The following CUL7 variants were observed in gnomAD, a reference collection of about 807,000 sequenced individuals.
CUL7 encodes the protein cullin 7.
In CUL7, 96 loss-of-function variants were observed where a neutral mutation model predicts 177.7. That is an observed-to-expected ratio of 0.54 (90% CI 0.46 to 0.64). The LOEUF (loss-of-function observed/expected upper bound fraction) is 0.64, where lower values mean the gene tolerates loss of function less well. Among genes scored for constraint, CUL7 ranks in the 30% least tolerant of loss-of-function variants. The pLI, the probability that CUL7 is intolerant of heterozygous loss-of-function variation, is 0.00. For missense variants in CUL7, 1,893 were observed against 2,187.9 expected (o/e 0.87, Z 2.69); for synonymous variants, 824 against 890.2 (o/e 0.93, Z 1.32).
chr6:43,046,341 C>T lies in CUL7; in HGVS notation c.2555G>A (p.Arg852Gln), dbSNP rs34574340. The change falls in exon 12 of 26, where the codon CGG becomes CAG. Residue 852 changes from arginine to glutamine, a missense_variant. Physicochemically the swap from Arg to Gln is conservative, Grantham distance 43 (BLOSUM62 1). Coordinates refer to ENST00000265348, the MANE Select transcript of CUL7 (RefSeq NM_014780.5). ...EKVEVSSNPH[R>Q]ASKLTDHNPK... ...GTTGTGGTCCGTCAGCTTGCTGGCC[C>T]GGTGCGGGTTGGAGGACACCTCCAC... 4.0e-3 allele frequency: 6,414 copies of T among 1,614,158 alleles called. 209 individuals are homozygous for T. The African/African-American group carries it at 0.071, about 18-fold the overall frequency.
rs374088154 is a variant in CUL7, at chr6:43,052,160, C to T, written c.580+49G>A. The stretch of plus-strand genomic sequence containing the variant: ...CACAGTGTCCTGTGAGTCCCTGAGC[C>T]GACCCAGCCCTTCTCCTGCTTTCCC... On this transcript the variant is annotated intron_variant, in intron 2 of 25. Coordinates refer to ENST00000265348, the MANE Select transcript of CUL7 (RefSeq NM_014780.5). The surrounding 1 kb of genome is among the most constrained non-coding windows in gnomAD (Gnocchi z 4.5). The T allele has an allele frequency of 7.8e-5, 125 of 1,607,946 alleles. No homozygotes were observed. Among genetic ancestry groups the T allele is most frequent in the African/African-American group, 7.5e-4 (56 of 74,738 alleles).
At chr6:43,039,496 C>T (rs1266379747) in intron 22 of CUL7, among the ~76,000 whole-genome samples, 1 of 152,054 alleles carries the variant, frequency 6.6e-6, no homozygotes, top group African/African-American at 2.4e-5. Flanking sequence ...CAGGTGCCTC[C>T]TGCCTCCATC....
At position 43,043,275 on chromosome 6, in the gene CUL7, A is replaced by G; in HGVS notation, c.3356-95T>C. The G allele has an allele frequency of 8.2e-7, 1 of 1,223,596 alleles. No homozygotes were observed. Among genetic ancestry groups the G allele is most frequent in the Non-Finnish European group, 1.2e-6 (1 of 843,198 alleles). The allele number at this position is 1,223,596 out of a possible 1,614,324, so 75.8% of individuals were successfully genotyped here. A position where few individuals can be genotyped will look rare whatever the true frequency, so the allele number is the denominator to read the frequency against. The stretch of plus-strand genomic sequence containing the variant: ...GGGGTTCCCTGAGGCCTTTCCTGAC[A>G]TGCTGCCACCCAAAATGATGTTCAT... On this transcript the variant is annotated intron_variant, in intron 17 of 25. Transcript: ENST00000265348. The surrounding 1 kb of genome is among the most constrained non-coding windows in gnomAD (Gnocchi z 4.2).
In CUL7 at chr6:43,053,635, C is replaced by A. The variant is rs1427691402; in HGVS notation, c.-22G>T. The A allele has an allele frequency of 7.3e-7, 1 of 1,376,366 alleles. No individual in the cohort carries two copies. Among genetic ancestry groups the A allele is most frequent in the Non-Finnish European group, 9.3e-7 (1 of 1,069,742 alleles). The allele number at this position is 1,376,366 out of a possible 1,614,324, so 85.3% of individuals were successfully genotyped here. On this transcript the variant is annotated 5_prime_UTR_variant, in exon 1 of 26. Coordinates refer to ENST00000265348, the MANE Select transcript of CUL7 (RefSeq NM_014780.5). This position sits in a 1 kb window ranked among gnomAD's most constrained non-coding sequence, Gnocchi z 4.1. ...GGCTCTGGCCACCTCAGAAGTCCACCGGGGTCCTGGCGCGAGGCCTGTCCT... is the reference window on the plus strand; with the variant it reads ...GGCTCTGGCCACCTCAGAAGTCCACAGGGGTCCTGGCGCGAGGCCTGTCCT...
At position 43,040,208 on chromosome 6, in the gene CUL7, C is replaced by A; in HGVS notation, c.4242G>T (p.Leu1414=). ...ICHTLNPRTC[L]PSYLRGTLNR... is the part of the protein sequence containing the mutation. ...TCAAAGTGCCCCTCAGGTAGGAGGGCAGGCAGGTTCTGGGGTTCAGTGTGT... is the reference window on the plus strand; with the variant it reads ...TCAAAGTGCCCCTCAGGTAGGAGGGAAGGCAGGTTCTGGGGTTCAGTGTGT... The change falls in exon 22 of 26, where the codon CTG becomes CTT. Residue 1414 remains leucine (L), a synonymous_variant. Transcript: ENST00000265348. The surrounding 1 kb of genome is among the most constrained non-coding windows in gnomAD (Gnocchi z 4.2). 6.2e-7 allele frequency: 1 copy of A among 1,614,192 alleles called. No individual in the cohort carries two copies. Among genetic ancestry groups the A allele is most frequent in the Non-Finnish European group, 8.5e-7 (1 of 1,180,040 alleles).
chr6:43,053,347 G>A lies in CUL7; in HGVS notation c.-9+275C>T, dbSNP rs1418483078. Among the ~76,000 whole-genome samples, 1 of 152,124 alleles carries A rather than the reference G, an allele frequency of 6.6e-6. No homozygotes were observed. The highest frequency in any genetic ancestry group is 1.5e-5 in the Non-Finnish European group (1 of 68,024). ...GAGGAGGCACTGGTGGGTTGGAGGC[G>A]CCTCCGACTGGAGCAACTGGAACAA... On this transcript the variant is annotated intron_variant, in intron 1 of 25. Coordinates refer to ENST00000265348, the MANE Select transcript of CUL7 (RefSeq NM_014780.5). This position sits in a 1 kb window ranked among gnomAD's most constrained non-coding sequence, Gnocchi z 4.1.
chr6:43,041,131 G>T, intron 19 of CUL7, 56 bp from the exon 20 acceptor site: 2 of 1,580,480 alleles, frequency 1.3e-6, no homozygotes, highest in Non-Finnish European at 1.7e-6. Flanking sequence ...GCAGGTGAGT[G>T]GGGAGGAGGG....
chr6:43,047,010 G>A lies in CUL7; in HGVS notation c.2267C>T (p.Ser756Phe), dbSNP rs762653107. 5 of 1,612,730 alleles carry A rather than the reference G, an allele frequency of 3.1e-6. No homozygotes were observed. Among genetic ancestry groups the A allele is most frequent in the Non-Finnish European group, 2.5e-6 (3 of 1,178,788 alleles). Reference protein sequence around the residue: ...LNQLGARDAISKALEKHLGKL... With the variant: ...LNQLGARDAIFKALEKHLGKL... ...TCCCAGGTGCTTTTCCAGGGCCTTG[G>A]AGATAGCGTCTCTTGCTCCCAGCTG... is the stretch of plus-strand genomic sequence containing the variant. Residue 756 changes from serine (S) to phenylalanine (F), a missense_variant, in exon 10 of 26, where the codon TCC becomes TTC. Physicochemically the swap from Ser to Phe is radical, Grantham distance 155 (BLOSUM62 -2). Transcript: ENST00000265348.
rs143346904 is a variant in CUL7 at position 43,042,295 on chromosome 6, T to A, written c.3645+507A>T. ...CTGCTCTGTACCCTGCTTTCCAGGGTGCTTCTTGCATTTTAGCTCATCAAT... is the reference window on the plus strand; with the variant it reads ...CTGCTCTGTACCCTGCTTTCCAGGGAGCTTCTTGCATTTTAGCTCATCAAT... On this transcript the variant is annotated intron_variant, in intron 19 of 25. Coordinates refer to ENST00000265348, the MANE Select transcript of CUL7 (RefSeq NM_014780.5). 9.2e-5 allele frequency among the ~76,000 whole-genome samples: 14 copies of A among 152,246 alleles called. No homozygotes were observed. The East Asian group carries it at 2.7e-3, about 29-fold the overall frequency.
At chr6:43,048,821 G>A (rs1472006974) in intron 7 of CUL7, among the ~76,000 whole-genome samples, 3 of 150,650 alleles carry the variant, frequency 2.0e-5, no homozygotes. Flanking sequence ...AGGCTGGAGT[G>A]CAGTGGCATG....
chr6:43,045,538 G>C lies in CUL7; in HGVS notation c.2862+49C>G, dbSNP rs1322546778. The C allele has an allele frequency of 1.2e-6, 2 of 1,613,296 alleles. No homozygotes were observed. The highest frequency in any genetic ancestry group is 1.7e-6 in the Non-Finnish European group (2 of 1,179,544). ...CTGGCTTAAGATCTGCCTGTTTATG[G>C]GGCTCAGAGCCCCCTACCCAGGGCC... On this transcript the variant is annotated intron_variant, in intron 14 of 25. Coordinates refer to ENST00000265348, the MANE Select transcript of CUL7 (RefSeq NM_014780.5). This position sits in a 1 kb window ranked among gnomAD's most constrained non-coding sequence, Gnocchi z 4.8.
intron 19 of CUL7, 75 bp downstream of exon 19, chr6:43,042,727 G>A: frequency 1.1e-6 from 1 of 909,594 alleles, no homozygotes. Flanking sequence ...ATGGAAGGGT[G>A]GGTCATTTGG....
In CUL7 at chr6:43,040,778, G is replaced by A. The variant is rs1320476738; in HGVS notation, c.3807-32C>T. ...TGCATGCAGCCCGGGCCAAGCCTCAGTGTGGGCACCAGTGTGGCCCAGCCT... is the reference window on the plus strand; with the variant it reads ...TGCATGCAGCCCGGGCCAAGCCTCAATGTGGGCACCAGTGTGGCCCAGCCT... On this transcript the variant is annotated intron_variant, in intron 20 of 25. Transcript: ENST00000265348. This position sits in a 1 kb window ranked among gnomAD's most constrained non-coding sequence, Gnocchi z 4.2. 9 of 1,610,396 alleles carry A rather than the reference G, an allele frequency of 5.6e-6. No individual in the cohort carries two copies. The African/African-American group carries it at 1.1e-4, about 19-fold the overall frequency.
At position 43,053,780 on chromosome 6, in the gene CUL7, C is replaced by T. The variant is rs186103529; in HGVS notation, c.-167G>A. On this transcript the variant is annotated 5_prime_UTR_variant, in exon 1 of 26. Coordinates refer to ENST00000265348, the MANE Select transcript of CUL7 (RefSeq NM_014780.5). This position sits in a 1 kb window ranked among gnomAD's most constrained non-coding sequence, Gnocchi z 4.1. ...TGCCTCCGCGGAACAGAGCTGCACC[C>T]GCGTGAGTCGGCAGCCACTGGGGCA... 240 of 1,531,424 alleles carry T rather than the reference C, an allele frequency of 1.6e-4. No homozygotes were observed. Among genetic ancestry groups the T allele is most frequent in the Middle Eastern group, 2.2e-4 (1 of 4,590 alleles). The allele number at this position is 1,531,424 out of a possible 1,614,324, so 94.9% of individuals were successfully genotyped here. A position where few individuals can be genotyped will look rare whatever the true frequency, so the allele number is the denominator to read the frequency against.
intron 19 of CUL7, 159 bp from the exon 20 acceptor site, chr6:43,041,234 A>G (rs1296563442): frequency 2.9e-6 from 2 of 678,156 alleles, no homozygotes; most frequent in Non-Finnish European, 5.3e-6. Flanking sequence ...TAACCATTGT[A>G]CAAATTAGCA....
In CUL7 at chr6:43,053,552, T is replaced by C. The variant is rs1021561697; in HGVS notation, c.-9+70A>G. 104 of 1,099,128 alleles carry C rather than the reference T, an allele frequency of 9.5e-5. 1 individual carries two copies. The Middle Eastern group carries it at 1.6e-3, about 17-fold the overall frequency. 68.1% of individuals were successfully genotyped at this position (1,099,128 alleles called of 1,614,324 possible). On this transcript the variant is annotated intron_variant, in intron 1 of 25. Coordinates refer to ENST00000265348, the MANE Select transcript of CUL7 (RefSeq NM_014780.5). This position sits in a 1 kb window ranked among gnomAD's most constrained non-coding sequence, Gnocchi z 4.1. Reference sequence around the variant, plus strand: ...CGGTAGGATGGGGACCGAGGTTGGGTGAGCGCGAGGCTCGATGGGCTAGTG... The same window carrying C: ...CGGTAGGATGGGGACCGAGGTTGGGCGAGCGCGAGGCTCGATGGGCTAGTG...
At position 43,052,374 on chromosome 6, in the gene CUL7, G is replaced by A. The variant is rs1338104839; in HGVS notation, c.415C>T (p.His139Tyr). ...VGTIPPAPLL[H>Y]TVHVLSAYAS... ...TAGGCGCTGAGCACGTGGACAGTGT[G>A]AAGTAGAGGAGCAGGAGGGATAGTG... Residue 139 changes from histidine to tyrosine, a missense_variant, in exon 2 of 26, where the codon CAC becomes TAC. By Grantham distance (83) the His-to-Tyr change is moderately conservative (BLOSUM62 2). Transcript: ENST00000265348. This position sits in a 1 kb window ranked among gnomAD's most constrained non-coding sequence, Gnocchi z 4.5. 2 of 1,614,136 alleles carry A rather than the reference G, an allele frequency of 1.2e-6. No homozygotes were observed. Among genetic ancestry groups the A allele is most frequent in the East Asian group, 2.2e-5 (1 of 44,906 alleles).
intron 9 of CUL7, among the ~76,000 whole-genome samples, chr6:43,047,412 T>C (rs1764012898): frequency 6.6e-6 from 1 of 152,198 alleles, no homozygotes; most frequent in Non-Finnish European, 1.5e-5. Flanking sequence ...CAGGCCCTAC[T>C]GTCCCAAAAA....
At position 43,040,189 on chromosome 6, in the gene CUL7, T is replaced by C. The variant is rs191578513; in HGVS notation, c.4261A>G (p.Thr1421Ala). Residue 1421 changes from threonine to alanine, a missense_variant, in exon 22 of 26, where the codon ACT (threonine) becomes GCT (alanine). Thr to Ala is a moderately conservative substitution (Grantham distance 58). This residue lies in a region of CUL7 where 973 missense variants were observed against 1,140.9 expected (regional missense o/e 0.85). Transcript: ENST00000265348. This position sits in a 1 kb window ranked among gnomAD's most constrained non-coding sequence, Gnocchi z 4.2. ...RTCLPSYLRG[T>A]LNRYSNFYNK... ...TAGAAGTTGGAGTATCTGTTCAAAG[T>C]GCCCCTCAGGTAGGAGGGCAGGCAG... 2.0e-4 allele frequency: 321 copies of C among 1,614,082 alleles called. 1 individual carries two copies. In the East Asian group the frequency reaches 6.6e-3, roughly 33 times the overall value.
Sources: gnomAD v4.1 joint callset for allele counts (sites outside exome capture counted in the v4.1 genomes callset) on GRCh38, gnomAD v4.1.1 for gene constraint, gnomAD v4.1.1 regional missense constraint, Gnocchi (gnomAD v3.1) non-coding constraint, MANE v1.5 for transcripts, NCBI Gene and HGNC (gene_info 2026-07-23, HGNC 2026-07-21) for gene names.